Variants in SLC9A9 observed in about 807,000 individuals in gnomAD.
The protein encoded by SLC9A9 is sodium/hydrogen exchanger 9.
A neutral mutation model predicts 77.8 loss-of-function variants in SLC9A9; 62 were observed. The observed-to-expected ratio is 0.80, with a 90% CI of 0.65 to 0.98. SLC9A9 has a LOEUF of 0.98. SLC9A9 is among the 50% of genes least tolerant of loss of function. The pLI is 0.00. For synonymous variants in SLC9A9, 320 were observed against 283.5 expected (o/e 1.13, Z -1.29); for missense variants, 775 against 774.9 (o/e 1.00, Z 0.00).
At chr3:143,741,757 T>G (rs894908687) in intron 4 of SLC9A9, among the ~76,000 whole-genome samples, 1 of 152,134 alleles carries the variant, frequency 6.6e-6, no homozygotes, top group Admixed American at 6.5e-5. Flanking sequence ...GTCGGTGATC[T>G]TCCCCCTAAC....
intron 5 of SLC9A9, among the ~76,000 whole-genome samples, chr3:143,686,076 A>G (rs568589168): frequency 2.0e-5 from 3 of 152,312 alleles, no homozygotes; most frequent in East Asian, 3.9e-4. Flanking sequence ...CTGCCCTTCC[A>G]GGGGCCATGA....
At chr3:143,360,201 T>G (rs534367612) in intron 14 of SLC9A9, among the ~76,000 whole-genome samples, 137 of 152,330 alleles carry the variant, frequency 9.0e-4, no homozygotes, top group African/African-American at 3.1e-3. Flanking sequence ...GGGAATTTGT[T>G]TCCTCCACAT....
rs2108392423 is a variant in SLC9A9, at chr3:143,265,818, G to C, written c.*884C>G. ...TGCTGGAATTGGAGGACAGGTTGGGGCTCCTGCACAGTCTGCTGCCAGGTA... is the reference window on the plus strand; with the variant it reads ...TGCTGGAATTGGAGGACAGGTTGGGCCTCCTGCACAGTCTGCTGCCAGGTA... On this transcript the variant is annotated 3_prime_UTR_variant, in exon 16 of 16. Coordinates refer to ENST00000316549, the MANE Select transcript of SLC9A9 (RefSeq NM_173653.4). 1 of 571,510 alleles carries C rather than the reference G, an allele frequency of 1.7e-6. No individual in the cohort carries two copies. Among genetic ancestry groups the C allele is most frequent in the East Asian group, 2.9e-5 (1 of 34,728 alleles). 35.4% of individuals were successfully genotyped at this position (571,510 alleles called of 1,614,324 possible).
At chr3:143,577,034 G>A (rs1329128954) in intron 7 of SLC9A9, among the ~76,000 whole-genome samples, 1 of 151,886 alleles carries the variant, frequency 6.6e-6, no homozygotes, top group Non-Finnish European at 1.5e-5. Flanking sequence ...TGCTTCCCCC[G>A]CAGTTCATCA....
At chr3:143,817,747 C>T (rs2009058711) in intron 2 of SLC9A9, among the ~76,000 whole-genome samples, 1 of 152,056 alleles carries the variant, frequency 6.6e-6, no homozygotes, top group Non-Finnish European at 1.5e-5. Flanking sequence ...CTGCCATTTT[C>T]CAGTGCTTTT....
chr3:143,317,974 A>G lies in SLC9A9; in HGVS notation c.1604+45510T>C, dbSNP rs556576838. Among the ~76,000 whole-genome samples the G allele has an allele frequency of 1.8e-4, 28 of 152,122 alleles. No individual in the cohort carries two copies. In the East Asian group the frequency reaches 1.9e-3, roughly 11 times the overall value. Reference sequence around the variant, plus strand: ...GATCTCCTGACCTCATGATCTGCCCACCTTGGCCTCCCAAAGTGCTGGGAT... The same window carrying G: ...GATCTCCTGACCTCATGATCTGCCCGCCTTGGCCTCCCAAAGTGCTGGGAT... On this transcript the variant is annotated intron_variant, in intron 14 of 15. Coordinates refer to ENST00000316549, the MANE Select transcript of SLC9A9 (RefSeq NM_173653.4).
intron 6 of SLC9A9, among the ~76,000 whole-genome samples, chr3:143,634,389 TC>T (rs2108730340): frequency 6.6e-6 from 1 of 152,306 alleles, no homozygotes. Context: ...TTTGTTCTTT[TC>T]TACTTTGTTT....
chr3:143,657,870 T>G (rs1242060), intron 5 of SLC9A9, among the ~76,000 whole-genome samples: 4,712 of 152,304 alleles, frequency 0.031, 106 homozygotes, highest in Middle Eastern at 0.088. Context: ...TTTTTATTTA[T>G]TCATTTTATT....
At chr3:143,544,515 G>A (rs2036750731) in intron 9 of SLC9A9, among the ~76,000 whole-genome samples, 1 of 152,014 alleles carries the variant, frequency 6.6e-6, no homozygotes, top group Admixed American at 6.6e-5. Context: ...TTTTTATGGG[G>A]TTGTTTTTTT....
At chr3:143,580,354 C>G (rs1389230479) in intron 6 of SLC9A9, among the ~76,000 whole-genome samples, 1 of 152,170 alleles carries the variant, frequency 6.6e-6, no homozygotes, top group African/African-American at 2.4e-5. Flanking sequence ...ATTCTATTAA[C>G]CTGTGGTTGC....
intron 6 of SLC9A9, among the ~76,000 whole-genome samples, chr3:143,647,492 T>G (rs530022318): frequency 2.6e-5 from 4 of 152,338 alleles, no homozygotes; most frequent in South Asian, 2.1e-4. Context: ...TCAAACACAT[T>G]AAAAACATTC....
intron 4 of SLC9A9, among the ~76,000 whole-genome samples, chr3:143,726,327 G>A (rs1425467624): frequency 2.6e-5 from 4 of 151,788 alleles, no homozygotes; most frequent in Non-Finnish European, 1.5e-5. Flanking sequence ...CTGCAAATGG[G>A]CTCCAAGGAG....
At chr3:143,725,814 C>T (rs1297951236) in intron 4 of SLC9A9, among the ~76,000 whole-genome samples, 1 of 150,076 alleles carries the variant, frequency 6.7e-6, no homozygotes, top group African/African-American at 2.5e-5. Flanking sequence ...TGCAGCACAC[C>T]AGCATGGCAC....
chr3:143,531,618 T>C (rs1310380796), intron 9 of SLC9A9, among the ~76,000 whole-genome samples: 1 of 152,176 alleles, frequency 6.6e-6, no homozygotes, highest in East Asian at 1.9e-4. Flanking sequence ...AATATGTGGG[T>C]GTAAATTAAG....
intron 14 of SLC9A9, among the ~76,000 whole-genome samples, chr3:143,330,515 T>C (rs1001640481): frequency 6.6e-5 from 10 of 152,320 alleles, no homozygotes; most frequent in South Asian, 4.1e-4. Flanking sequence ...ATTTTGAGAG[T>C]GTCTCTTTAA....
At chr3:143,761,288 A>C (rs530931656) in intron 4 of SLC9A9, among the ~76,000 whole-genome samples, 1 of 152,248 alleles carries the variant, frequency 6.6e-6, no homozygotes, top group African/African-American at 2.4e-5. Context: ...AGAGGCAAGG[A>C]CTTCATGTCT....
chr3:143,496,657 C>T (rs1335076807), intron 9 of SLC9A9, among the ~76,000 whole-genome samples: 3 of 152,172 alleles, frequency 2.0e-5, no homozygotes, highest in Non-Finnish European at 2.9e-5. Context: ...CAGGCTGGCT[C>T]ATGGAAACAA....
chr3:143,676,223 T>C (rs1932880280), intron 5 of SLC9A9, among the ~76,000 whole-genome samples: 1 of 152,164 alleles, frequency 6.6e-6, no homozygotes, highest in Admixed American at 6.5e-5. Flanking sequence ...TGCAGCTTGG[T>C]TCCTAACAAG....
At chr3:143,638,802 A>G (rs527351114) in intron 6 of SLC9A9, among the ~76,000 whole-genome samples, 1 of 152,328 alleles carries the variant, frequency 6.6e-6, no homozygotes, top group Admixed American at 6.5e-5. Flanking sequence ...CAAGGTTTTA[A>G]TCAGATTCCC....
Sources: gnomAD v4.1 joint callset for allele counts (sites outside exome capture counted in the v4.1 genomes callset) on GRCh38, gnomAD v4.1.1 for gene constraint, MANE v1.5 for transcripts, NCBI Gene and HGNC (gene_info 2026-07-23, HGNC 2026-07-21) for gene names.